SMOC1: variants seen among roughly 807,000 people sequenced by gnomAD.
SMOC1 encodes SPARC-related modular calcium-binding protein 1.
SMOC1 carries 22 observed loss-of-function variants against 56.3 expected under a neutral mutation model. The observed-to-expected ratio is 0.39, with a 90% CI of 0.28 to 0.56. The LOEUF (loss-of-function observed/expected upper bound fraction) is 0.56, where lower values mean the gene tolerates loss of function less well. SMOC1 is among the 20% of genes least tolerant of loss of function. SMOC1 has a pLI of 0.61. For synonymous variants in SMOC1, 193 were observed against 215.0 expected (o/e 0.90, Z 0.89); for missense variants, 509 against 565.4 (o/e 0.90, Z 1.01).
At chr14:69,905,276 G>A (rs1884377302) in intron 1 of SMOC1, among the ~76,000 whole-genome samples, 1 of 152,016 alleles carries the variant, frequency 6.6e-6, no homozygotes, top group African/African-American at 2.4e-5. Context: ...AGGAGTTGGA[G>A]AGGAACGTCC....
chr14:69,986,939 T>G (rs1463023373), intron 5 of SMOC1, among the ~76,000 whole-genome samples: 2 of 152,240 alleles, frequency 1.3e-5, no homozygotes, highest in Admixed American at 6.5e-5. Context: ...CACCATCCAT[T>G]TCTGAGCCTC....
At chr14:69,886,452 G>A (rs1259064084) in intron 1 of SMOC1, among the ~76,000 whole-genome samples, 1 of 152,204 alleles carries the variant, frequency 6.6e-6, no homozygotes, top group Admixed American at 6.5e-5. Context: ...CCCTGCTGTT[G>A]TTTAAATCTG....
At chr14:69,956,795 A>T (rs1273697871) in intron 3 of SMOC1, among the ~76,000 whole-genome samples, 1 of 152,126 alleles carries the variant, frequency 6.6e-6, no homozygotes, top group Non-Finnish European at 1.5e-5. Context: ...GCTTTCTTCT[A>T]CAGCAGCGAC....
chr14:69,970,989 C>T (rs1240497587), intron 3 of SMOC1, among the ~76,000 whole-genome samples: 1 of 152,172 alleles, frequency 6.6e-6, no homozygotes, highest in East Asian at 1.9e-4. Flanking sequence ...TCTAGGAACA[C>T]ACTGCCTTAA....
At chr14:69,927,605 G>A (rs1594806538) in intron 1 of SMOC1, among the ~76,000 whole-genome samples, 1 of 152,168 alleles carries the variant, frequency 6.6e-6, no homozygotes, top group African/African-American at 2.4e-5. Context: ...GAGCCCCAGA[G>A]GCAGAGGTTG....
chr14:69,982,108 G>T (rs1884201809), intron 5 of SMOC1, among the ~76,000 whole-genome samples: 1 of 152,218 alleles, frequency 6.6e-6, no homozygotes, highest in Admixed American at 6.5e-5. Flanking sequence ...TAAATGGCAA[G>T]TGAAAGTTTA....
At chr14:69,972,135 C>T (rs575085293) in intron 3 of SMOC1, among the ~76,000 whole-genome samples, 1 of 152,258 alleles carries the variant, frequency 6.6e-6, no homozygotes, top group South Asian at 2.1e-4. Context: ...CAGACCGAGG[C>T]TTAGTGTGAT....
At position 69,894,541 on chromosome 14, in the gene SMOC1, C is replaced by G. The variant is rs115028308; in HGVS notation, c.99+14764C>G. The stretch of plus-strand genomic sequence containing the variant: ...GGTTAATCCTGTTAGCTTCTCCTGA[C>G]CACATGGCTACTGGACAAGGTAAGA... On this transcript the variant is annotated intron_variant, in intron 1 of 11. Transcript: ENST00000361956. Among the ~76,000 whole-genome samples, 1,012 of 152,222 alleles carry G rather than the reference C, an allele frequency of 6.6e-3. 9 individuals are homozygous for G. Among genetic ancestry groups the G allele is most frequent in the Middle Eastern group, 0.02 (6 of 294 alleles).
chr14:69,886,424 A>G (rs1278277259), intron 1 of SMOC1, among the ~76,000 whole-genome samples: 1 of 152,254 alleles, frequency 6.6e-6, no homozygotes, highest in Non-Finnish European at 1.5e-5. Context: ...GGACTGCATA[A>G]TGATGTCCAA....
At chr14:69,884,074 T>C (rs1472279223) in intron 1 of SMOC1, among the ~76,000 whole-genome samples, 1 of 148,976 alleles carries the variant, frequency 6.7e-6, no homozygotes, top group East Asian at 2.0e-4. Context: ...GCCCGGCTAA[T>C]TTTTTGTATT....
At chr14:70,019,921 C>A (rs1885649124) in intron 10 of SMOC1, among the ~76,000 whole-genome samples, 1 of 152,212 alleles carries the variant, frequency 6.6e-6, no homozygotes, top group African/African-American at 2.4e-5. Flanking sequence ...TCAACTTCAT[C>A]TGTGACTTAA....
At chr14:70,028,515 C>T (rs1017736142) in intron 11 of SMOC1, among the ~76,000 whole-genome samples, 4 of 152,212 alleles carry the variant, frequency 2.6e-5, no homozygotes, top group African/African-American at 9.7e-5. Flanking sequence ...AATAAAGTCG[C>T]TCTGAGGATT....
At position 70,010,767 on chromosome 14, in the gene SMOC1, G is replaced by A. The variant is rs546621996; in HGVS notation, c.678G>A (p.Ser226=). The change falls in exon 8 of 12, where the codon TCG becomes TCA. Residue 226 remains serine, a synonymous_variant. Transcript: ENST00000361956. ...CTTCTCTTGCAGAGAAAGTCTATTC[G>A]TGTGACCAGGAGAGGCAGAGTGCCC... is the stretch of plus-strand genomic sequence containing the variant. ...TNIRNSEKVY[S]CDQERQSALE... is the part of the protein sequence containing the mutation. 58 of 1,614,198 alleles carry A rather than the reference G, an allele frequency of 3.6e-5. No individual in the cohort carries two copies. The highest frequency in any genetic ancestry group is 4.2e-5 in the Non-Finnish European group (50 of 1,180,030).
chr14:69,980,837 C>T (rs1352696234), intron 5 of SMOC1, among the ~76,000 whole-genome samples: 1 of 152,078 alleles, frequency 6.6e-6, no homozygotes, highest in African/African-American at 2.4e-5. Context: ...AGAGGTGGGG[C>T]CAGAGGTCTG....
At chr14:69,903,983 T>C (rs1023763254) in intron 1 of SMOC1, among the ~76,000 whole-genome samples, 3 of 151,996 alleles carry the variant, frequency 2.0e-5, no homozygotes, top group African/African-American at 7.3e-5. Flanking sequence ...GTCCCCTAGC[T>C]GCCCCACATG....
intron 1 of SMOC1, among the ~76,000 whole-genome samples, chr14:69,903,268 C>T (rs75839213): frequency 7.2e-5 from 11 of 152,056 alleles, no homozygotes; most frequent in South Asian, 2.1e-4. Flanking sequence ...TGCCCAGCCG[C>T]GACCCCCTCT....
chr14:69,942,657 A>C (rs1451564101), intron 1 of SMOC1, among the ~76,000 whole-genome samples: 1 of 152,178 alleles, frequency 6.6e-6, no homozygotes, highest in Non-Finnish European at 1.5e-5. Context: ...ATGGAATTAT[A>C]TAGTATATAA....
intron 1 of SMOC1, among the ~76,000 whole-genome samples, chr14:69,906,490 C>T (rs1182230025): frequency 1.3e-5 from 2 of 152,170 alleles, no homozygotes; most frequent in East Asian, 1.9e-4. Context: ...TGCCCCCAGC[C>T]GTAAATTCAA....
At chr14:69,926,738 T>C (rs2139381779) in intron 1 of SMOC1, among the ~76,000 whole-genome samples, 2 of 152,298 alleles carry the variant, frequency 1.3e-5, no homozygotes, top group Middle Eastern at 6.8e-3. Flanking sequence ...CTCCCTGTTG[T>C]AGCCAAATGG....
Sources: gnomAD v4.1 joint callset for allele counts (sites outside exome capture counted in the v4.1 genomes callset) on GRCh38, gnomAD v4.1.1 for gene constraint, MANE v1.5 for transcripts, NCBI Gene and HGNC (gene_info 2026-07-23, HGNC 2026-07-21) for gene names.